The following CALCR variants were observed in gnomAD, a reference collection of about 807,000 sequenced individuals.
CALCR encodes calcitonin receptor.
In CALCR, 47 loss-of-function variants were observed where a neutral mutation model predicts 59.5. The ratio of observed to expected loss-of-function variants is 0.79; its 90% CI spans 0.63 to 1.01. The LOEUF is 1.01. Ranked by LOEUF, CALCR falls within the 50% of genes least tolerant of loss-of-function variation. The pLI is 0.00. For missense variants in CALCR, 566 were observed against 597.1 expected (o/e 0.95, Z 0.54); for synonymous variants, 213 against 211.3 (o/e 1.01, Z -0.07).
intron 13 of CALCR, among the ~76,000 whole-genome samples, chr7:93,427,526 T>A (rs1054078560): frequency 4.6e-5 from 7 of 152,206 alleles, no homozygotes; most frequent in African/African-American, 1.4e-4. Flanking sequence ...ACATCCTTAG[T>A]TCATTCTGCT....
chr7:93,571,799 C>T (rs1318772148), intron 2 of CALCR, among the ~76,000 whole-genome samples: 1 of 152,066 alleles, frequency 6.6e-6, no homozygotes, highest in Non-Finnish European at 1.5e-5. Flanking sequence ...ATGATAATAG[C>T]TTGTAACTCA....
At chr7:93,546,279 C>T (rs945654082) in intron 2 of CALCR, among the ~76,000 whole-genome samples, 1 of 152,156 alleles carries the variant, frequency 6.6e-6, no homozygotes, top group Non-Finnish European at 1.5e-5. Flanking sequence ...CATCCCTGTT[C>T]ACTCACAAAA....
intron 2 of CALCR, among the ~76,000 whole-genome samples, chr7:93,526,452 G>A (rs899217955): frequency 8.6e-5 from 13 of 151,102 alleles, no homozygotes; most frequent in African/African-American, 3.1e-4. Flanking sequence ...AAAGAAGGGG[G>A]AAAAAGGCAG....
intron 2 of CALCR, among the ~76,000 whole-genome samples, chr7:93,517,317 A>ATCTTTTTTTTTTTTTT (rs1554404282): frequency 3.1e-4 from 39 of 127,806 alleles, no homozygotes; most frequent in African/African-American, 1.1e-3. Flanking sequence ...TTTTTTTTTA[A>ATCTTTTTTTTTTTTTT]TTTGCTAGCC....
At chr7:93,464,425 AG>A (rs1800400246) in intron 7 of CALCR, among the ~76,000 whole-genome samples, 3 of 152,016 alleles carry the variant, frequency 2.0e-5, no homozygotes, top group Admixed American at 2.0e-4. Flanking sequence ...TACAAGCCCA[AG>A]TCATATCTTC....
At chr7:93,555,104 T>C (rs1789561329) in intron 2 of CALCR, among the ~76,000 whole-genome samples, 1 of 152,026 alleles carries the variant, frequency 6.6e-6, no homozygotes, top group Non-Finnish European at 1.5e-5. Flanking sequence ...TCCATCTCCC[T>C]TGGGCTTGAG....
intron 2 of CALCR, among the ~76,000 whole-genome samples, chr7:93,492,480 T>C (rs1801104542): frequency 6.6e-6 from 1 of 151,348 alleles, no homozygotes; most frequent in Admixed American, 6.6e-5. Flanking sequence ...TAACAGGAAA[T>C]TGAGAATGTA....
chr7:93,443,368 T>G (rs1264629056), intron 9 of CALCR, among the ~76,000 whole-genome samples: 3 of 152,150 alleles, frequency 2.0e-5, no homozygotes, highest in Non-Finnish European at 2.9e-5. Context: ...AGTTACCCTT[T>G]GGAAGTCACC....
intron 2 of CALCR, among the ~76,000 whole-genome samples, chr7:93,526,332 C>A (rs1230855221): frequency 1.3e-5 from 2 of 152,034 alleles, no homozygotes; most frequent in African/African-American, 4.8e-5. Context: ...CAATACATCA[C>A]ACTGTTACTT....
chr7:93,493,600 A>C (rs1307760091), intron 2 of CALCR, among the ~76,000 whole-genome samples: 3 of 151,400 alleles, frequency 2.0e-5, no homozygotes, highest in African/African-American at 7.3e-5. Context: ...TCTATATTAA[A>C]ATGAGTGCAA....
intron 7 of CALCR, among the ~76,000 whole-genome samples, chr7:93,461,384 T>C (rs905529031): frequency 6.6e-6 from 1 of 152,186 alleles, no homozygotes; most frequent in African/African-American, 2.4e-5. Flanking sequence ...CAAGGCTGCC[T>C]GTGACAAGGT....
intron 2 of CALCR, among the ~76,000 whole-genome samples, chr7:93,551,643 T>C (rs915198275): frequency 1.3e-4 from 20 of 152,292 alleles, no homozygotes; most frequent in Admixed American, 1.3e-3. Context: ...CCCCTGACCC[T>C]TTGGGAAACA....
intron 2 of CALCR, among the ~76,000 whole-genome samples, chr7:93,545,004 A>C (rs984392788): frequency 6.6e-6 from 1 of 152,106 alleles, no homozygotes; most frequent in Non-Finnish European, 1.5e-5. Flanking sequence ...ACTGTGGAGA[A>C]GGGCAGAAAA....
chr7:93,465,674 A>T (rs1366859251), intron 7 of CALCR, among the ~76,000 whole-genome samples: 2 of 151,774 alleles, frequency 1.3e-5, no homozygotes, highest in Non-Finnish European at 2.9e-5. Flanking sequence ...TAGAAGATAA[A>T]TTTTCTGCTA....
chr7:93,555,626 C>T (rs1789579641), intron 2 of CALCR, among the ~76,000 whole-genome samples: 1 of 152,118 alleles, frequency 6.6e-6, no homozygotes, highest in Admixed American at 6.6e-5. Flanking sequence ...AAATGGGAAA[C>T]ATTGAATTCC....
intron 2 of CALCR, among the ~76,000 whole-genome samples, chr7:93,554,773 A>G (rs1584628612): frequency 8.7e-6 from 1 of 114,880 alleles, no homozygotes; most frequent in East Asian, 2.3e-4. Flanking sequence ...GGCCATGTAT[A>G]TATATATATA....
At chr7:93,501,257 A>T (rs1801315928) in intron 2 of CALCR, among the ~76,000 whole-genome samples, 1 of 152,042 alleles carries the variant, frequency 6.6e-6, no homozygotes, top group Admixed American at 6.6e-5. Context: ...GTGCAATTTA[A>T]TTTTTCAGGT....
intron 7 of CALCR, among the ~76,000 whole-genome samples, chr7:93,465,399 G>C (rs1311358978): frequency 6.6e-6 from 1 of 151,872 alleles, no homozygotes; most frequent in East Asian, 1.9e-4. Context: ...CTAGCAGTAA[G>C]AAATCTTGCT....
At chr7:93,468,841 ATG>A in intron 6 of CALCR, 35 bp from the exon 7 acceptor site, 1 of 1,222,048 alleles carries the variant, frequency 8.2e-7, no homozygotes. Flanking sequence ...CAAACAATGA[ATG>A]AATGATTCAT....
Sources: allele counts gnomAD v4.1 joint callset (sites outside exome capture counted in the v4.1 genomes callset), GRCh38; gene constraint gnomAD v4.1.1; transcripts MANE v1.5; gene names NCBI Gene and HGNC (gene_info 2026-07-23, HGNC 2026-07-21).